The following RABGAP1L variants were observed in gnomAD, a reference collection of about 807,000 sequenced individuals.
RABGAP1L encodes RAB GTPase activating protein 1 like, also known as rab GTPase-activating protein 1-like.
A neutral mutation model predicts 137.7 loss-of-function variants in RABGAP1L; 63 were observed. The ratio of observed to expected loss-of-function variants is 0.46; its 90% confidence interval spans 0.37 to 0.56. The LOEUF is 0.56. RABGAP1L is among the 20% of genes least tolerant of loss of function. The pLI is 0.00. For synonymous variants in RABGAP1L, 431 were observed against 433.7 expected (o/e 0.99, Z 0.08); for missense variants, 1,095 against 1,244.0 (o/e 0.88, Z 1.80).
intron 11 of RABGAP1L, among the ~76,000 whole-genome samples, chr1:174,348,652 T>G (rs943756610): frequency 1.4e-5 from 2 of 146,592 alleles, no homozygotes; most frequent in Non-Finnish European, 3.0e-5. Flanking sequence ...TAGGGATTGG[T>G]GATGACTCTT....
intron 11 of RABGAP1L, among the ~76,000 whole-genome samples, chr1:174,320,599 T>C (rs1232288410): frequency 6.6e-6 from 1 of 152,156 alleles, no homozygotes; most frequent in Non-Finnish European, 1.5e-5. Context: ...GAAGATTTCA[T>C]GGACATACAT....
At chr1:174,358,445 C>A (rs1437426829) in intron 11 of RABGAP1L, among the ~76,000 whole-genome samples, 1 of 152,156 alleles carries the variant, frequency 6.6e-6, no homozygotes, top group Non-Finnish European at 1.5e-5. Context: ...TCAGATGTTT[C>A]TTTCAAATGG....
chr1:174,241,135 C>G (rs150948492), intron 4 of RABGAP1L, among the ~76,000 whole-genome samples: 1,893 of 152,214 alleles, frequency 0.012, 13 homozygotes, highest in Non-Finnish European at 0.018. Flanking sequence ...GCCTGGCTAA[C>G]ATGGCAAAAC....
At chr1:174,795,855 T>C (rs1573231347) in intron 18 of RABGAP1L, among the ~76,000 whole-genome samples, 1 of 152,214 alleles carries the variant, frequency 6.6e-6, no homozygotes, top group Non-Finnish European at 1.5e-5. Flanking sequence ...GGATTATAGG[T>C]GTGAGCTACT....
At chr1:174,449,096 C>T (rs771979164) in intron 13 of RABGAP1L, 12 of 1,613,778 alleles carry the variant, frequency 7.4e-6, no homozygotes, top group East Asian at 2.2e-5. Flanking sequence ...GCTAGGCCTC[C>T]GAAGACTGTC....
intron 19 of RABGAP1L, among the ~76,000 whole-genome samples, chr1:174,905,765 C>T (rs145620033): frequency 2.7e-3 from 415 of 152,182 alleles, no homozygotes; most frequent in Non-Finnish European, 4.1e-3. Context: ...GCAGGAGAAT[C>T]ACTTGACCCC....
chr1:174,236,492 GA>G (rs1671180710), intron 4 of RABGAP1L, among the ~76,000 whole-genome samples: 3 of 146,908 alleles, frequency 2.0e-5, no homozygotes, highest in Admixed American at 2.0e-4. Context: ...TGGTTTCAAA[GA>G]ACATCTTTAT....
At chr1:174,892,546 T>G (rs1410969745) in intron 19 of RABGAP1L, 1 of 523,752 alleles carries the variant, frequency 1.9e-6, no homozygotes, top group Non-Finnish European at 3.8e-6. Context: ...GTCTTAGCTT[T>G]GAAAAGAAGA....
intron 17 of RABGAP1L, among the ~76,000 whole-genome samples, chr1:174,746,001 A>G (rs1224645131): frequency 1.3e-5 from 2 of 152,200 alleles, no homozygotes; most frequent in African/African-American, 2.4e-5. Flanking sequence ...GTGCTGATGC[A>G]CACTTGGTAC....
chr1:174,240,761 C>G (rs2148554797), intron 4 of RABGAP1L, among the ~76,000 whole-genome samples: 1 of 152,282 alleles, frequency 6.6e-6, no homozygotes, highest in Non-Finnish European at 1.5e-5. Context: ...ATAGTCTATA[C>G]TATTCTAGAT....
chr1:174,662,928 A>C (rs991073549), intron 14 of RABGAP1L, among the ~76,000 whole-genome samples: 1 of 152,248 alleles, frequency 6.6e-6, no homozygotes, highest in Non-Finnish European at 1.5e-5. Context: ...AAGGATATAA[A>C]GAAAGAAAAT....
intron 19 of RABGAP1L, among the ~76,000 whole-genome samples, chr1:174,918,823 A>ACC (rs545089556): frequency 0.021 from 2,509 of 120,702 alleles, 72 homozygotes; most frequent in African/African-American, 0.062. Flanking sequence ...AGTGAGACCC[A>ACC]CCCCCCCGAT....
At chr1:174,506,851 G>C (rs1026303757) in intron 13 of RABGAP1L, among the ~76,000 whole-genome samples, 1 of 152,100 alleles carries the variant, frequency 6.6e-6, no homozygotes, top group Non-Finnish European at 1.5e-5. Flanking sequence ...ACTCACACCT[G>C]TAATCCTAGC....
chr1:174,861,237 GCTTCATCCAT>G (rs1650214584), intron 19 of RABGAP1L, among the ~76,000 whole-genome samples: 5 of 152,056 alleles, frequency 3.3e-5, no homozygotes, highest in Admixed American at 2.6e-4. Flanking sequence ...ATGTCTTCCA[GCTTCATCCAT>G]GTTGTCATGA....
At chr1:174,633,631 C>T (rs1572614182) in intron 13 of RABGAP1L, among the ~76,000 whole-genome samples, 1 of 116,090 alleles carries the variant, frequency 8.6e-6, no homozygotes, top group South Asian at 2.5e-4. Flanking sequence ...TGACTTCAAA[C>T]TATACTACAA....
chr1:174,535,355 A>T (rs990840161), intron 13 of RABGAP1L, among the ~76,000 whole-genome samples: 2 of 152,298 alleles, frequency 1.3e-5, no homozygotes, highest in East Asian at 3.9e-4. Flanking sequence ...TGCTCTGCAT[A>T]TTATAGGTAC....
rs188777945 is a variant in RABGAP1L, at chr1:174,804,327, G to A, written c.2212-7505G>A. On this transcript the variant is annotated intron_variant, in intron 18 of 25. Transcript: ENST00000681986. ...TTTCAGTTACCCAGGCTGGAGTGCAGTGGTGTGATTTTGGCTCACTGCAAC... is the reference window on the plus strand; with the variant it reads ...TTTCAGTTACCCAGGCTGGAGTGCAATGGTGTGATTTTGGCTCACTGCAAC... Among the ~76,000 whole-genome samples, 29 of 150,460 alleles carry A rather than the reference G, an allele frequency of 1.9e-4. 1 individual carries two copies. Among genetic ancestry groups the A allele is most frequent in the Admixed American group, 1.9e-3 (28 of 15,032 alleles).
chr1:174,766,438 A>G (rs1448971969), intron 18 of RABGAP1L, among the ~76,000 whole-genome samples: 4 of 152,276 alleles, frequency 2.6e-5, no homozygotes, highest in South Asian at 4.1e-4. Context: ...TGGAGTCTCT[A>G]TTCCCTTATC....
intron 19 of RABGAP1L, among the ~76,000 whole-genome samples, chr1:174,942,192 A>G (rs1666001718): frequency 6.6e-6 from 1 of 152,234 alleles, no homozygotes; most frequent in South Asian, 2.1e-4. Flanking sequence ...ACTGATGTCA[A>G]CAGCAGAGGA....
Sources: gnomAD v4.1 joint callset for allele counts (sites outside exome capture counted in the v4.1 genomes callset) on GRCh38, gnomAD v4.1.1 for gene constraint, MANE v1.5 for transcripts, NCBI Gene and HGNC (gene_info 2026-07-23, HGNC 2026-07-21) for gene names.